CMC2: variants seen among roughly 807,000 people sequenced by gnomAD.
The protein encoded by CMC2 is C-X9-C motif containing 2.
CMC2 carries 5 observed loss-of-function variants against 7.5 expected under a neutral mutation model. The observed-to-expected ratio is 0.66, with a 90% CI of 0.35 to 1.40. The LOEUF is 1.40. CMC2 is among the 40% of genes most tolerant of loss of function. The pLI is 0.04. For missense variants in CMC2, 115 were observed against 92.3 expected, an observed-to-expected ratio of 1.25 and a Z score of -1.01; for synonymous variants, 37 against 31.4, an observed-to-expected ratio of 1.18 and a Z score of -0.60.
intron 2 of CMC2, among the ~76,000 whole-genome samples, chr16:80,989,419 C>G (rs900027423): frequency 6.6e-6 from 1 of 152,164 alleles, no homozygotes; most frequent in East Asian, 1.9e-4. Flanking sequence ...CTTTGATGCT[C>G]TGCCCCATTT....
intron 1 of CMC2, among the ~76,000 whole-genome samples, chr16:80,999,803 G>C (rs1332284584): frequency 2.6e-5 from 4 of 152,134 alleles, no homozygotes; most frequent in African/African-American, 4.8e-5. Context: ...ATGGCAAAAG[G>C]ACTTCCCATT....
rs117897900 is a variant in CMC2 at position 80,993,623 on chromosome 16, C to T, written c.81+3691G>A. 1.5e-3 allele frequency among the ~76,000 whole-genome samples: 232 copies of T among 152,236 alleles called. 8 individuals carry two copies. The East Asian group carries it at 0.036, about 24-fold the overall frequency. Reference sequence around the variant, plus strand: ...GGGAGTCAATGGAGTCCTTATAAGCCAAAGTAGAGATCTCATTGAATATGC... The same window carrying T: ...GGGAGTCAATGGAGTCCTTATAAGCTAAAGTAGAGATCTCATTGAATATGC... On this transcript the variant is annotated intron_variant, in intron 2 of 3. Transcript: ENST00000219400.
At chr16:81,002,596 T>C (rs1968948120) in intron 1 of CMC2, among the ~76,000 whole-genome samples, 1 of 152,202 alleles carries the variant, frequency 6.6e-6, no homozygotes, top group Admixed American at 6.5e-5. Flanking sequence ...ATTTCTTTAA[T>C]TGACAAATAC....
At chr16:80,989,451 A>G (rs1967800086) in intron 2 of CMC2, among the ~76,000 whole-genome samples, 1 of 152,114 alleles carries the variant, frequency 6.6e-6, no homozygotes, top group South Asian at 2.1e-4. Context: ...GAATCCCTTC[A>G]AGCTAGCCCC....
chr16:80,993,374 G>A lies in CMC2; in HGVS notation c.81+3940C>T, dbSNP rs12444366. Reference sequence around the variant, plus strand: ...AAGAGGAGAATGGTAGTTTCACCGAGCAGAGGAGGCAAACGTCAGAGGAAT... The same window carrying A: ...AAGAGGAGAATGGTAGTTTCACCGAACAGAGGAGGCAAACGTCAGAGGAAT... On this transcript the variant is annotated intron_variant, in intron 2 of 3. Transcript: ENST00000219400. Among the ~76,000 whole-genome samples the A allele has an allele frequency of 3.0e-3, 453 of 152,274 alleles. 2 individuals carry two copies. Among genetic ancestry groups the A allele is most frequent in the Non-Finnish European group, 3.5e-3 (240 of 68,038 alleles).
chr16:80,967,190 C>A lies in CMC2; in HGVS notation c.*8903G>T, dbSNP rs1911613417. ...AGAGAGCTTTCAGTCTACACATAAC[C>A]TGAATTCCATGTATCATGAACTTGC... is the stretch of plus-strand genomic sequence containing the variant. On this transcript the variant is annotated 3_prime_UTR_variant, in exon 4 of 4. Transcript: ENST00000219400. 1 of 152,184 alleles carries A rather than the reference C, an allele frequency of 6.6e-6. No homozygotes were observed. 9.4% of individuals were successfully genotyped at this position (152,184 alleles called of 1,614,324 possible).
intron 2 of CMC2, among the ~76,000 whole-genome samples, chr16:80,995,421 C>T (rs746846051): frequency 6.6e-5 from 10 of 152,006 alleles, no homozygotes; most frequent in African/African-American, 1.2e-4. Context: ...TTTGGGAGGC[C>T]GAGGCGGGAG....
At chr16:81,002,955 A>G (rs994104948) in intron 1 of CMC2, among the ~76,000 whole-genome samples, 1 of 152,194 alleles carries the variant, frequency 6.6e-6, no homozygotes, top group Non-Finnish European at 1.5e-5. Context: ...CTTATCCCTT[A>G]TCCAACAGAT....
intron 2 of CMC2, chr16:80,988,620 T>G (rs1967728938): frequency 1.4e-6 from 1 of 701,484 alleles, no homozygotes; most frequent in African/African-American, 1.7e-5. Flanking sequence ...GGACTTAAAT[T>G]TAAGTCTCCA....
At chr16:81,005,650 G>A (rs1969245603) in intron 1 of CMC2, among the ~76,000 whole-genome samples, 1 of 152,062 alleles carries the variant, frequency 6.6e-6, no homozygotes, top group South Asian at 2.1e-4. Flanking sequence ...TAGACCCCAT[G>A]CCAGGCTGCT....
chr16:80,984,757 C>G (rs879623948), intron 2 of CMC2, among the ~76,000 whole-genome samples: 1 of 152,142 alleles, frequency 6.6e-6, no homozygotes, highest in Non-Finnish European at 1.5e-5. Context: ...TCATATCATT[C>G]CACATATGTA....
At chr16:80,996,855 C>T in intron 2 of CMC2, 1 of 232,236 alleles carries the variant, frequency 4.3e-6, no homozygotes, top group South Asian at 4.7e-5. Context: ...CCACTAACAA[C>T]TAAACACATC....
chr16:80,981,794 CA>C lies in CMC2; in HGVS notation c.153+11del. 2 of 1,569,516 alleles carry C rather than the reference CA, an allele frequency of 1.3e-6. No individual in the cohort carries two copies. The highest frequency in any genetic ancestry group is 1.8e-6 in the Non-Finnish European group (2 of 1,141,892). ...TTGTTCAACCATATCCATCCTTTGA[CA>C]CTTTTCTTACCTCATTCTTCAGGCA... is the stretch of plus-strand genomic sequence containing the variant. On this transcript the variant is annotated intron_variant, in intron 3 of 3. Coordinates refer to ENST00000219400, the MANE Select transcript of CMC2 (RefSeq NM_020188.5).
At chr16:80,999,465 A>G (rs965449415) in intron 1 of CMC2, among the ~76,000 whole-genome samples, 4 of 152,352 alleles carry the variant, frequency 2.6e-5, no homozygotes, top group South Asian at 2.1e-4. Flanking sequence ...GGGAGAATCA[A>G]TATCACTGAA....
chr16:81,002,165 C>G (rs1416138172), intron 1 of CMC2, among the ~76,000 whole-genome samples: 1 of 152,160 alleles, frequency 6.6e-6, no homozygotes, highest in East Asian at 1.9e-4. Flanking sequence ...TGGCTCACAC[C>G]TGTAATCCCA....
rs1911598204 is a variant in CMC2 at position 80,966,969 on chromosome 16, A to C, written c.*9124T>G. 3 of 152,218 alleles carry C rather than the reference A, an allele frequency of 2.0e-5. No individual in the cohort carries two copies. The allele number at this position is 152,218 out of a possible 1,614,324, so 9.4% of individuals were successfully genotyped here. ...AATTACATCCAACAATGTACCTATC[A>C]AGTGATCTACAGAAAAAGAAAATGT... On this transcript the variant is annotated 3_prime_UTR_variant, in exon 4 of 4. Coordinates refer to ENST00000219400, the MANE Select transcript of CMC2 (RefSeq NM_020188.5).
chr16:80,977,831 G>T (rs568553491), intron 3 of CMC2, among the ~76,000 whole-genome samples: 5 of 152,310 alleles, frequency 3.3e-5, no homozygotes, highest in African/African-American at 1.2e-4. Flanking sequence ...CAGCACTTTG[G>T]GAGGCTGAGG....
intron 1 of CMC2, among the ~76,000 whole-genome samples, chr16:81,005,390 C>A (rs1215968458): frequency 6.6e-6 from 1 of 151,126 alleles, no homozygotes; most frequent in Non-Finnish European, 1.5e-5. Flanking sequence ...CCAGCCTGGG[C>A]GACAAAACAA....
rs1911678394 is a variant in CMC2, at chr16:80,968,096, G to A, written c.*7997C>T. The A allele has an allele frequency of 6.6e-6, 1 of 152,134 alleles. No individual in the cohort carries two copies. Among genetic ancestry groups the A allele is most frequent in the Admixed American group, 6.5e-5 (1 of 15,280 alleles). 9.4% of individuals were successfully genotyped at this position (152,134 alleles called of 1,614,324 possible). ...AACCCTAAAGAAGTAGGCATTTTAT[G>A]GAAGGCAGTTACATCAGAAAGAGTC... On this transcript the variant is annotated 3_prime_UTR_variant, in exon 4 of 4. Transcript: ENST00000219400.
Sources: gnomAD v4.1 joint callset for allele counts (sites outside exome capture counted in the v4.1 genomes callset) on GRCh38, gnomAD v4.1.1 for gene constraint, MANE v1.5 for transcripts, NCBI Gene and HGNC (gene_info 2026-07-23, HGNC 2026-07-21) for gene names.